Variants in LASP1 observed in about 807,000 individuals in gnomAD.
LASP1 encodes the protein LIM and SH3 domain protein 1.
A neutral mutation model predicts 38.6 loss-of-function variants in LASP1; 10 were observed. The ratio of observed to expected loss-of-function variants is 0.26; its 90% confidence interval spans 0.16 to 0.44. LASP1 has a LOEUF of 0.44. Ranked by LOEUF, LASP1 falls within the 20% of genes least tolerant of loss-of-function variation. The pLI is 1.00. For missense variants in LASP1, 243 were observed against 375.7 expected, an observed-to-expected ratio of 0.65 and a Z score of 2.92; for synonymous variants, 132 against 140.8, an observed-to-expected ratio of 0.94 and a Z score of 0.44.
rs1598126093 is a variant in LASP1 at position 38,919,875 on chromosome 17, AGT to A, written c.*1101_*1102del. On this transcript the variant is annotated 3_prime_UTR_variant, in exon 7 of 7. Coordinates refer to ENST00000318008, the MANE Select transcript of LASP1 (RefSeq NM_006148.4). ...CAGGTGTCTGACACGCAAGTGTGTG[AGT>A]GTGAGTGTGAGAGATGGGGCGGGGG... 1.0e-5 allele frequency: 5 copies of A among 480,260 alleles called. No individual in the cohort carries two copies. The highest frequency in any genetic ancestry group is 1.6e-5 in the Non-Finnish European group (4 of 247,152). 29.7% of individuals were successfully genotyped at this position (480,260 alleles called of 1,614,324 possible). A position where few individuals can be genotyped will look rare whatever the true frequency, so the allele number is the denominator to read the frequency against.
At chr17:38,904,613 G>GA (rs1177100198) in intron 4 of LASP1, 1 of 151,378 alleles carries the variant, frequency 6.6e-6, no homozygotes, top group African/African-American at 2.4e-5. Context: ...AAAAAAAAAG[G>GA]AAAAAAGAGA....
intron 1 of LASP1, among the ~76,000 whole-genome samples, chr17:38,872,761 C>T (rs938559142): frequency 1.3e-5 from 2 of 152,180 alleles, no homozygotes; most frequent in Non-Finnish European, 2.9e-5. Flanking sequence ...CAGCCCACTA[C>T]GTGGCCCAAA....
chr17:38,900,678 A>G (rs1463762457), intron 4 of LASP1, among the ~76,000 whole-genome samples: 1 of 152,162 alleles, frequency 6.6e-6, no homozygotes. Context: ...TCTCAAAAAA[A>G]AACCAAAAAG....
At chr17:38,882,436 T>C (rs1379929379) in intron 2 of LASP1, among the ~76,000 whole-genome samples, 1 of 151,994 alleles carries the variant, frequency 6.6e-6, no homozygotes, top group Non-Finnish European at 1.5e-5. Flanking sequence ...TTAGTAGAGA[T>C]GGGGTTTTTC....
intron 3 of LASP1, among the ~76,000 whole-genome samples, chr17:38,892,551 G>GACACACACACACAC (rs530593526): frequency 2.7e-4 from 39 of 143,840 alleles, no homozygotes; most frequent in African/African-American, 7.9e-4. Flanking sequence ...GGTCTTTGGA[G>GACACACACACACAC]ACACACACAC....
chr17:38,914,579 C>G, intron 5 of LASP1, 104 bp downstream of exon 5: 1 of 1,375,296 alleles, frequency 7.3e-7, no homozygotes, highest in Non-Finnish European at 9.7e-7. Flanking sequence ...CGGAGCCTTG[C>G]TCTTAATCAA....
At position 38,921,168 on chromosome 17, in the gene LASP1, G is replaced by A. The variant is rs906380653; in HGVS notation, c.*2390G>A. On this transcript the variant is annotated 3_prime_UTR_variant, in exon 7 of 7. Coordinates refer to ENST00000318008, the MANE Select transcript of LASP1 (RefSeq NM_006148.4). ...TTACCAAAACCATCCATCCCTAGAA[G>A]AGCACAGAGCCCTGAGGGGCTGGGC... The A allele has an allele frequency of 1.7e-5, 4 of 229,314 alleles. No homozygotes were observed. The highest frequency in any genetic ancestry group is 3.5e-5 in the Non-Finnish European group (4 of 115,620). 14.2% of individuals were successfully genotyped at this position (229,314 alleles called of 1,614,324 possible).
rs1915208891 is a variant in LASP1, at chr17:38,918,730, C to T, written c.738C>T (p.Arg246=). 6 of 1,614,030 alleles carry T rather than the reference C, an allele frequency of 3.7e-6. No individual in the cohort carries two copies. Among genetic ancestry groups the T allele is most frequent in the Non-Finnish European group, 5.1e-6 (6 of 1,180,016 alleles). Residue 246 remains arginine (R), a synonymous_variant, in exon 7 of 7, where the codon CGC becomes CGT. Transcript: ENST00000318008. The surrounding 1 kb of genome is among the most constrained non-coding windows in gnomAD (Gnocchi z 4.4). ...GCTGGATGTACGGGACGGTGGAGCG[C>T]ACCGGCGACACGGGGATGCTGCCGG... ...DDGWMYGTVE[R]TGDTGMLPAN...
chr17:38,914,591 A>G (rs1211381149), intron 5 of LASP1, 116 bp downstream of exon 5: 4 of 1,276,308 alleles, frequency 3.1e-6, no homozygotes, highest in Non-Finnish European at 4.2e-6. Context: ...CTTAATCAAC[A>G]GGCGATTATG....
rs774689001 is a variant in LASP1, at chr17:38,921,616, G to C, written c.*2838G>C. 119 of 233,040 alleles carry C rather than the reference G, an allele frequency of 5.1e-4. No individual in the cohort carries two copies. The highest frequency in any genetic ancestry group is 1.7e-3 in the African/African-American group (76 of 45,406). The allele number at this position is 233,040 out of a possible 1,614,324, so 14.4% of individuals were successfully genotyped here. A position where few individuals can be genotyped will look rare whatever the true frequency, so the allele number is the denominator to read the frequency against. ...CCAGTTCATCTTTTTATATGGGGTT[G>C]TTGTCTCATTTTGGTCTGTTTTGGT... On this transcript the variant is annotated 3_prime_UTR_variant, in exon 7 of 7. Coordinates refer to ENST00000318008, the MANE Select transcript of LASP1 (RefSeq NM_006148.4).
intron 2 of LASP1, among the ~76,000 whole-genome samples, chr17:38,883,830 C>A (rs1478825439): frequency 7.0e-6 from 1 of 142,178 alleles, no homozygotes; most frequent in Non-Finnish European, 1.5e-5. Context: ...TTTGACTGCT[C>A]TTTTTTTTCC....
chr17:38,889,874 C>T (rs975250795), intron 2 of LASP1, among the ~76,000 whole-genome samples: 3 of 152,266 alleles, frequency 2.0e-5, no homozygotes, highest in South Asian at 2.1e-4. Context: ...CCTTGTTAAC[C>T]GTTTGAAATA....
At chr17:38,874,616 C>G (rs1038261245) in intron 1 of LASP1, among the ~76,000 whole-genome samples, 2 of 152,170 alleles carry the variant, frequency 1.3e-5, no homozygotes, top group African/African-American at 4.8e-5. Context: ...TCCTGACCTT[C>G]CAGCACTCTG....
chr17:38,915,742 TG>T (rs1915102003), intron 6 of LASP1: 3 of 151,942 alleles, frequency 2.0e-5, no homozygotes, highest in Admixed American at 2.0e-4. Context: ...CCAGCAGGAA[TG>T]GGGTGAGATC....
intron 4 of LASP1, among the ~76,000 whole-genome samples, chr17:38,912,008 G>A (rs959859170): frequency 3.3e-5 from 5 of 152,186 alleles, no homozygotes; most frequent in African/African-American, 1.2e-4. Context: ...TGGCCAGGCT[G>A]GTCTCGAACT....
intron 6 of LASP1, 79 bp downstream of exon 6, chr17:38,915,225 C>T (rs759825564): frequency 8.6e-7 from 1 of 1,156,834 alleles, no homozygotes; most frequent in Non-Finnish European, 1.3e-6. Context: ...CATGGATTCT[C>T]CTGACCTTTG....
At chr17:38,873,041 G>A (rs186126377) in intron 1 of LASP1, among the ~76,000 whole-genome samples, 1 of 152,302 alleles carries the variant, frequency 6.6e-6, no homozygotes, top group African/African-American at 2.4e-5. Context: ...TATTTATTGA[G>A]CACCTACTTT....
At chr17:38,888,710 A>G (rs530374712) in intron 2 of LASP1, among the ~76,000 whole-genome samples, 1 of 152,372 alleles carries the variant, frequency 6.6e-6, no homozygotes, top group South Asian at 2.1e-4. Flanking sequence ...AAGACAATAC[A>G]TTGATGTGAT....
At chr17:38,890,907 C>A (rs1914298776) in intron 3 of LASP1, among the ~76,000 whole-genome samples, 1 of 152,210 alleles carries the variant, frequency 6.6e-6, no homozygotes, top group Non-Finnish European at 1.5e-5. Flanking sequence ...ATAGCCGCGT[C>A]CCAAACCTCC....
Sources: gnomAD v4.1 joint callset for allele counts (sites outside exome capture counted in the v4.1 genomes callset) on GRCh38, gnomAD v4.1.1 for gene constraint, Gnocchi (gnomAD v3.1) non-coding constraint, MANE v1.5 for transcripts, NCBI Gene and HGNC (gene_info 2026-07-23, HGNC 2026-07-21) for gene names.